NFX1: variants seen among roughly 807,000 people sequenced by gnomAD.
The protein encoded by NFX1 is nuclear transcription factor, X-box binding 1, also known as transcriptional repressor NF-X1.
A neutral mutation model predicts 137.2 loss-of-function variants in NFX1; 69 were observed. That is an observed-to-expected ratio of 0.50 (90% CI 0.41 to 0.61). NFX1 has a LOEUF of 0.61. Among genes scored for constraint, NFX1 ranks in the 20% least tolerant of loss-of-function variants. NFX1 has a pLI of 0.00. For synonymous variants in NFX1, 495 were observed against 474.1 expected, an observed-to-expected ratio of 1.04 and a Z score of -0.57; for missense variants, 1,167 against 1,391.0, an observed-to-expected ratio of 0.84 and a Z score of 2.56.
chr9:33,353,199 C>T (rs937521975), intron 17 of NFX1, among the ~76,000 whole-genome samples: 2 of 152,070 alleles, frequency 1.3e-5, no homozygotes. Context: ...CTCTTTTGGT[C>T]GTATTACATT....
At chr9:33,324,387 T>A (rs940147592) in intron 9 of NFX1, among the ~76,000 whole-genome samples, 9 of 151,280 alleles carry the variant, frequency 5.9e-5, no homozygotes, top group African/African-American at 1.7e-4. Flanking sequence ...TCAAAAAAAA[T>A]AATAATAATT....
In NFX1 at chr9:33,295,281, A is replaced by C; in HGVS notation, c.887A>C (p.Asp296Ala). 6.2e-7 allele frequency: 1 copy of C among 1,614,158 alleles called. No individual in the cohort carries two copies. Among genetic ancestry groups the C allele is most frequent in the Non-Finnish European group, 8.5e-7 (1 of 1,180,026 alleles). Residue 296 changes from aspartate (D) to alanine (A), a missense_variant, in exon 2 of 24, where the codon GAC becomes GCC. Physicochemically the swap from Asp to Ala is moderately radical, Grantham distance 126. Around this residue, in one of 3 missense-constraint regions of NFX1, gnomAD observed 367 missense variants for 386.7 expected, o/e 0.95. Transcript: ENST00000379540. ...LNERPAKSTCDSENLAVINKS... is the reference protein window; with the variant it reads ...LNERPAKSTCASENLAVINKS... ...GAAAGACCAGCAAAATCTACCTGTG[A>C]CAGTGAGAACTTGGCAGTCATCAAC...
At chr9:33,329,769 A>G (rs1429524587) in intron 10 of NFX1, among the ~76,000 whole-genome samples, 1 of 151,662 alleles carries the variant, frequency 6.6e-6, no homozygotes. Flanking sequence ...AGTGATTCTT[A>G]TGCCTTAGCC....
chr9:33,327,087 G>C (rs1822621382), intron 9 of NFX1, among the ~76,000 whole-genome samples: 1 of 152,082 alleles, frequency 6.6e-6, no homozygotes, highest in African/African-American at 2.4e-5. Flanking sequence ...TAACAAAAAA[G>C]ACATGAGACT....
Position 33,294,583 on chromosome 9 carries a change from T to C in NFX1, c.189T>C (p.Asp63=). The part of the protein sequence containing the change: ...PCHLSRQVPY[D]EISAVHQHSY... ...ACCTTTCCAGGCAGGTCCCTTATGATGAAATCTCTGCTGTTCATCAGCATA... is the reference window on the plus strand; with the variant it reads ...ACCTTTCCAGGCAGGTCCCTTATGACGAAATCTCTGCTGTTCATCAGCATA... Residue 63 remains aspartate, a synonymous_variant, in exon 2 of 24, where the codon GAT becomes GAC. Transcript: ENST00000379540. The C allele has an allele frequency of 6.2e-7, 1 of 1,614,202 alleles. No individual in the cohort carries two copies. The highest frequency in any genetic ancestry group is 8.5e-7 in the Non-Finnish European group (1 of 1,180,028).
intron 4 of NFX1, among the ~76,000 whole-genome samples, chr9:33,305,242 C>T (rs977577289): frequency 3.9e-5 from 6 of 152,150 alleles, no homozygotes; most frequent in African/African-American, 1.4e-4. Context: ...GGGGTAGTTA[C>T]GACTTACAGC....
chr9:33,311,137 C>G lies in NFX1; in HGVS notation c.1408C>G (p.Pro470Ala). Reference protein sequence around the residue: ...LCHPGPCPPCPAFMTKTCECG... With the variant: ...LCHPGPCPPCAAFMTKTCECG... Reference sequence around the variant, plus strand: ...CCATCCAGGACCCTGCCCACCCTGCCCTGCCTTTATGACAAAAACATGTGA... The same window carrying G: ...CCATCCAGGACCCTGCCCACCCTGCGCTGCCTTTATGACAAAAACATGTGA... Residue 470 changes from proline (P) to alanine (A), a missense_variant, in exon 6 of 24, where the codon CCT becomes GCT. Transcript: ENST00000379540. 6.2e-7 allele frequency: 1 copy of G among 1,614,112 alleles called. No individual in the cohort carries two copies. Among genetic ancestry groups the G allele is most frequent in the Non-Finnish European group, 8.5e-7 (1 of 1,179,992 alleles).
chr9:33,308,294 T>TAGCC, intron 5 of NFX1, among the ~76,000 whole-genome samples: 1 of 152,138 alleles, frequency 6.6e-6, no homozygotes, highest in Admixed American at 6.5e-5. Flanking sequence ...AATTTAAAAT[T>TAGCC]AGCCAGCTGT....
chr9:33,340,484 GGC>G (rs1193477621), intron 12 of NFX1, among the ~76,000 whole-genome samples: 1 of 152,200 alleles, frequency 6.6e-6, no homozygotes, highest in Non-Finnish European at 1.5e-5. Context: ...TCATGGAAGG[GGC>G]TGCCATGAAG....
intron 7 of NFX1, among the ~76,000 whole-genome samples, chr9:33,314,381 T>A (rs1822078083): frequency 6.6e-6 from 1 of 152,084 alleles, no homozygotes; most frequent in African/African-American, 2.4e-5. Flanking sequence ...AAATAATCTT[T>A]TTAAAAATGA....
At chr9:33,369,826 G>T in intron 23 of NFX1, 80 bp from the exon 24 acceptor site, 1 of 966,526 alleles carries the variant, frequency 1.0e-6, no homozygotes, top group Non-Finnish European at 1.6e-6. Flanking sequence ...TGGTAAATCA[G>T]CTGATCCTTA....
At chr9:33,306,274 C>T (rs749676432) in intron 4 of NFX1, among the ~76,000 whole-genome samples, 2 of 152,082 alleles carry the variant, frequency 1.3e-5, no homozygotes, top group Admixed American at 1.3e-4. Flanking sequence ...ACAGAGTTGA[C>T]GTCACTGACA....
chr9:33,339,490 A>G (rs1291469065), intron 12 of NFX1, among the ~76,000 whole-genome samples: 6 of 152,210 alleles, frequency 3.9e-5, no homozygotes, highest in African/African-American at 1.2e-4. Flanking sequence ...TGGGAAGTCA[A>G]GATGAGATTT....
Position 33,295,135 on chromosome 9 carries a change from C to T in NFX1, c.741C>T (p.Pro247=). The change falls in exon 2 of 24, where the codon CCC becomes CCT. Residue 247 remains proline, a synonymous_variant. Transcript: ENST00000379540. ...EQRRYPQKRP[P]WEVEGARPRP... The stretch of plus-strand genomic sequence containing the variant: ...GAAGATACCCACAGAAAAGGCCTCC[C>T]TGGGAAGTGGAGGGGGCCAGGCCAC... 6.2e-7 allele frequency: 1 copy of T among 1,614,054 alleles called. No homozygotes were observed.
In NFX1 at chr9:33,294,609, G is replaced by A. The variant is rs770840877; in HGVS notation, c.215G>A (p.Ser72Asn). The A allele has an allele frequency of 6.2e-7, 1 of 1,614,172 alleles. No individual in the cohort carries two copies. Among genetic ancestry groups the A allele is most frequent in the South Asian group, 1.1e-5 (1 of 91,084 alleles). ...YDEISAVHQH[S>N]YHPSGSKPKS... ...GAAATCTCTGCTGTTCATCAGCATAGTTATCATCCGTCAGGAAGCAAACCT... is the reference window on the plus strand; with the variant it reads ...GAAATCTCTGCTGTTCATCAGCATAATTATCATCCGTCAGGAAGCAAACCT... The change falls in exon 2 of 24, where the codon AGT becomes AAT. Residue 72 changes from serine (S) to asparagine (N), a missense_variant. Transcript: ENST00000379540.
In NFX1 at chr9:33,336,436, G is replaced by C. The variant is rs984717121; in HGVS notation, c.2036-2074G>C. On this transcript the variant is annotated intron_variant, in intron 11 of 23. Coordinates refer to ENST00000379540, the MANE Select transcript of NFX1 (RefSeq NM_002504.6). ...TTACCATGTTGGTCAGGCTGGTCTC[G>C]AACTCCTGACCTCGTGATCCGCCTG... 2.6e-5 allele frequency among the ~76,000 whole-genome samples: 4 copies of C among 151,850 alleles called. No homozygotes were observed. In the East Asian group the frequency reaches 7.8e-4, roughly 29 times the overall value.
intron 19 of NFX1, among the ~76,000 whole-genome samples, chr9:33,357,804 C>T (rs1317211925): frequency 6.6e-6 from 1 of 151,684 alleles, no homozygotes; most frequent in East Asian, 1.9e-4. Context: ...CTTGGCCCCA[C>T]AAAGTGCTGG....
In NFX1 at chr9:33,371,028, C is replaced by T. The variant is rs926872500; in HGVS notation, c.*1050C>T. 4.6e-5 allele frequency: 7 copies of T among 152,206 alleles called. No homozygotes were observed. The highest frequency in any genetic ancestry group is 1.7e-4 in the African/African-American group (7 of 41,450). The allele number at this position is 152,206 out of a possible 1,614,324, so 9.4% of individuals were successfully genotyped here. ...GACCCTTGCATTGGCACCCCTCCAGCCTGGAGGCCAGGCTTCCAGCAACTT... is the reference window on the plus strand; with the variant it reads ...GACCCTTGCATTGGCACCCCTCCAGTCTGGAGGCCAGGCTTCCAGCAACTT... On this transcript the variant is annotated 3_prime_UTR_variant, in exon 24 of 24. Coordinates refer to ENST00000379540, the MANE Select transcript of NFX1 (RefSeq NM_002504.6).
intron 4 of NFX1, among the ~76,000 whole-genome samples, chr9:33,304,520 A>G (rs902510517): frequency 1.3e-5 from 2 of 152,172 alleles, no homozygotes; most frequent in African/African-American, 4.8e-5. Flanking sequence ...GTCATTTACC[A>G]TCAACTCTGA....
Sources: gnomAD v4.1 joint callset for allele counts (sites outside exome capture counted in the v4.1 genomes callset) on GRCh38, gnomAD v4.1.1 for gene constraint, gnomAD v4.1.1 regional missense constraint, MANE v1.5 for transcripts, NCBI Gene and HGNC (gene_info 2026-07-23, HGNC 2026-07-21) for gene names.